The following BLK variants were observed in gnomAD, a reference collection of about 807,000 sequenced individuals.
BLK encodes the protein tyrosine-protein kinase Blk.
Under a neutral mutation model 61.8 loss-of-function variants are expected in BLK, and 64 were observed. The ratio of observed to expected loss-of-function variants is 1.03; its 90% CI spans 0.85 to 1.27. BLK has a LOEUF of 1.27. Among genes scored for constraint, BLK ranks in the 50% most tolerant of loss-of-function variants. The probability of loss-of-function intolerance (pLI) is 0.00; values close to 1 mark genes in which losing one functional copy is unlikely to be tolerated. For synonymous variants in BLK, 351 were observed against 272.0 expected (o/e 1.29, Z -2.86); for missense variants, 853 against 660.5 (o/e 1.29, Z -3.19).
chr8:11,558,005 G>T lies in BLK; in HGVS notation c.996G>T (p.Leu332Phe). 1 of 1,614,114 alleles carries T rather than the reference G, an allele frequency of 6.2e-7. No individual in the cohort carries two copies. The stretch of plus-strand genomic sequence containing the variant: ...TGAAGACAGATGAAGGGAGCAGATT[G>T]TCACTCCCAAGGCTGATTGACATGT... ...DFLKTDEGSRLSLPRLIDMSA... is the reference protein window; with the variant it reads ...DFLKTDEGSRFSLPRLIDMSA... The change falls in exon 10 of 13, where the codon TTG becomes TTT. Residue 332 changes from leucine (L) to phenylalanine (F), a missense_variant. Coordinates refer to ENST00000259089, the MANE Select transcript of BLK (RefSeq NM_001715.3).
intron 10 of BLK, chr8:11,560,500 G>A (rs1209236602): frequency 1.6e-5 from 4 of 244,792 alleles, no homozygotes; most frequent in African/African-American, 4.6e-5. Context: ...TCTTGAAGTC[G>A]CATGTCTGAA....
intron 1 of BLK, among the ~76,000 whole-genome samples, chr8:11,514,429 C>T (rs1419737986): frequency 6.6e-6 from 1 of 152,148 alleles, no homozygotes; most frequent in African/African-American, 2.4e-5. Flanking sequence ...CAATGGCCTC[C>T]CCGAGGGATC....
rs146495994 is a variant in BLK at position 11,563,109 on chromosome 8, A to G, written c.1311A>G (p.Pro437=). Residue 437 remains proline, a splice_region_variant and synonymous_variant, in exon 12 of 13, where the codon CCA becomes CCG. Coordinates refer to ENST00000259089, the MANE Select transcript of BLK (RefSeq NM_001715.3). ...TCACTTATGGGCGGGTGCCATACCCAGGTAGGTGGCTCACCCCGCAGCTCG... is the reference window on the plus strand; with the variant it reads ...TCACTTATGGGCGGGTGCCATACCCGGGTAGGTGGCTCACCCCGCAGCTCG... ...EVVTYGRVPY[P]GMSNPEVIRN... 6.2e-7 allele frequency: 1 copy of G among 1,613,644 alleles called. No homozygotes were observed. Among genetic ancestry groups the G allele is most frequent in the Non-Finnish European group, 8.5e-7 (1 of 1,179,994 alleles).
intron 11 of BLK, among the ~76,000 whole-genome samples, chr8:11,562,534 G>A (rs564613591): frequency 9.2e-5 from 14 of 152,286 alleles, no homozygotes; most frequent in East Asian, 3.9e-4. Context: ...TCCTCATAGC[G>A]GCCCTCGGAG....
chr8:11,526,226 T>C (rs778945293), intron 1 of BLK, among the ~76,000 whole-genome samples: 1 of 152,234 alleles, frequency 6.6e-6, no homozygotes, highest in African/African-American at 2.4e-5. Flanking sequence ...CACTCCCCTC[T>C]CCATTTCCTA....
At chr8:11,524,954 C>T (rs956571434) in intron 1 of BLK, among the ~76,000 whole-genome samples, 10 of 150,764 alleles carry the variant, frequency 6.6e-5, no homozygotes, top group Non-Finnish European at 1.5e-4. Context: ...TTACATATCA[C>T]GAATGTTCAG....
Position 11,546,274 on chromosome 8 carries a change from C to T in BLK, c.175+171C>T, listed in dbSNP as rs1193663022. On this transcript the variant is annotated intron_variant, in intron 3 of 12. Transcript: ENST00000259089. ...GCCTCTTGGGGCGTCTCTTCAGGAACCAAGAACAAGTTTCTTCAGTATGCC... is the reference window on the plus strand; with the variant it reads ...GCCTCTTGGGGCGTCTCTTCAGGAATCAAGAACAAGTTTCTTCAGTATGCC... Among the ~76,000 whole-genome samples, 4 of 152,164 alleles carry T rather than the reference C, an allele frequency of 2.6e-5. No individual in the cohort carries two copies. In the South Asian group the frequency reaches 8.3e-4, roughly 32 times the overall value.
chr8:11,515,627 G>C (rs889030917), intron 1 of BLK, among the ~76,000 whole-genome samples: 8 of 151,722 alleles, frequency 5.3e-5, no homozygotes, highest in African/African-American at 1.9e-4. Flanking sequence ...TTATTTTTCT[G>C]TCTTTAGAGG....
chr8:11,536,757 A>G (rs1417758882), intron 1 of BLK, among the ~76,000 whole-genome samples: 1 of 152,170 alleles, frequency 6.6e-6, no homozygotes, highest in Non-Finnish European at 1.5e-5. Context: ...AATAGTTTTC[A>G]TCTAAAAAAA....
intron 1 of BLK, among the ~76,000 whole-genome samples, chr8:11,524,218 C>A (rs1799561667): frequency 6.6e-6 from 1 of 152,114 alleles, no homozygotes; most frequent in African/African-American, 2.4e-5. Flanking sequence ...GTACTGTTCA[C>A]AGAAATAACC....
At position 11,555,785 on chromosome 8, in the gene BLK, C is replaced by T. The variant is rs571537758; in HGVS notation, c.772+301C>T. 263 of 460,554 alleles carry T rather than the reference C, an allele frequency of 5.7e-4. 1 individual carries two copies. Among genetic ancestry groups the T allele is most frequent in the South Asian group, 5.0e-3 (247 of 49,702 alleles). The allele number at this position is 460,554 out of a possible 1,614,324, so 28.5% of individuals were successfully genotyped here. ...TGGCTTTGACAATGAGCTGCAGCGG[C>T]GCGTTAACTCCCCTTAGCTTTTCAT... On this transcript the variant is annotated intron_variant, in intron 8 of 12. Transcript: ENST00000259089.
At chr8:11,504,394 AAG>A (rs1491122228) in intron 1 of BLK, among the ~76,000 whole-genome samples, 1 of 148,180 alleles carries the variant, frequency 6.7e-6, no homozygotes, top group Non-Finnish European at 1.5e-5. Context: ...AAGAAAAGAA[AAG>A]AAAAGAAAAG....
chr8:11,520,359 C>T (rs1003305652), intron 1 of BLK, among the ~76,000 whole-genome samples: 2 of 151,218 alleles, frequency 1.3e-5, no homozygotes, highest in African/African-American at 4.9e-5. Context: ...TGCCTGTAGT[C>T]CCAGCTACTT....
rs1288575564 is a variant in BLK, at chr8:11,545,886, G to A, written c.124-166G>A. On this transcript the variant is annotated intron_variant, in intron 2 of 12. Transcript: ENST00000259089. ...GGGGGTCTGTCTGAGGGTAGTGCTGGTCCCTGGGTACAGAATGTCCCTGAG... is the reference window on the plus strand; with the variant it reads ...GGGGGTCTGTCTGAGGGTAGTGCTGATCCCTGGGTACAGAATGTCCCTGAG... 1.3e-5 allele frequency: 10 copies of A among 780,564 alleles called. No homozygotes were observed. In the East Asian group the frequency reaches 2.5e-4, roughly 19 times the overall value. The allele number at this position is 780,564 out of a possible 1,614,324, so 48.4% of individuals were successfully genotyped here. A position where few individuals can be genotyped will look rare whatever the true frequency, so the allele number is the denominator to read the frequency against.
intron 1 of BLK, among the ~76,000 whole-genome samples, chr8:11,532,039 A>G (rs1232417407): frequency 2.0e-5 from 3 of 151,948 alleles, no homozygotes; most frequent in Non-Finnish European, 4.4e-5. Flanking sequence ...TTGCATTTTT[A>G]GTAGAGATGG....
At chr8:11,500,877 C>T (rs1426971342) in intron 1 of BLK, among the ~76,000 whole-genome samples, 5 of 152,102 alleles carry the variant, frequency 3.3e-5, no homozygotes, top group Non-Finnish European at 7.4e-5. Flanking sequence ...CCTGCCATTT[C>T]TGTGGTGCAA....
chr8:11,508,929 G>C (rs1585328424), intron 1 of BLK, among the ~76,000 whole-genome samples: 1 of 152,314 alleles, frequency 6.6e-6, no homozygotes, highest in South Asian at 2.1e-4. Flanking sequence ...GGAAGGAAAT[G>C]CTGGGCGCCT....
intron 6 of BLK, among the ~76,000 whole-genome samples, chr8:11,553,977 C>T: frequency 6.6e-6 from 1 of 152,130 alleles, no homozygotes; most frequent in East Asian, 1.9e-4. Flanking sequence ...ACTCGGGGAA[C>T]CGGGAGCCCC....
intron 1 of BLK, among the ~76,000 whole-genome samples, chr8:11,507,543 G>A (rs976929085): frequency 6.6e-6 from 1 of 152,234 alleles, no homozygotes; most frequent in African/African-American, 2.4e-5. Flanking sequence ...GAACTTTGAA[G>A]AGACAGGAGC....
Sources: allele counts gnomAD v4.1 joint callset (sites outside exome capture counted in the v4.1 genomes callset), GRCh38; gene constraint gnomAD v4.1.1; transcripts MANE v1.5; gene names NCBI Gene and HGNC (gene_info 2026-07-23, HGNC 2026-07-21).